The following COL12A1 variants were observed in gnomAD, a reference collection of about 807,000 sequenced individuals.
COL12A1 encodes collagen type XII alpha 1 chain.
In COL12A1, 114 loss-of-function variants were observed where a neutral mutation model predicts 349.7. That is an observed-to-expected ratio of 0.33 (90% CI 0.28 to 0.38). COL12A1 has a LOEUF of 0.38. COL12A1 is among the 10% of genes least tolerant of loss of function. The pLI, the probability that COL12A1 is intolerant of heterozygous loss-of-function variation, is 1.00. For synonymous variants in COL12A1, 1,369 were observed against 1,329.0 expected, an observed-to-expected ratio of 1.03 and a Z score of -0.66; for missense variants, 3,284 against 3,756.9, an observed-to-expected ratio of 0.87 and a Z score of 3.29.
rs1767700785 is a variant in COL12A1 at position 75,090,379 on chromosome 6, T to C, written c.8753-81A>G. On this transcript the variant is annotated intron_variant, in intron 62 of 65. Coordinates refer to ENST00000322507, the MANE Select transcript of COL12A1 (RefSeq NM_004370.6). The surrounding 1 kb of genome is among the most constrained non-coding windows in gnomAD (Gnocchi z 4.1). ...AGTGAAACTGTTTTCTCTTAGTGTC[T>C]AGTGAAATCCATCTCCATTCTGCAA... is the stretch of plus-strand genomic sequence containing the variant. 8 of 1,347,206 alleles carry C rather than the reference T, an allele frequency of 5.9e-6. No homozygotes were observed. The highest frequency in any genetic ancestry group is 8.1e-6 in the Non-Finnish European group (8 of 982,750). 83.5% of individuals were successfully genotyped at this position (1,347,206 alleles called of 1,614,324 possible).
chr6:75,172,877 C>G (rs570036216), intron 13 of COL12A1, among the ~76,000 whole-genome samples: 1 of 152,314 alleles, frequency 6.6e-6, no homozygotes, highest in South Asian at 2.1e-4. Flanking sequence ...GATGCGAAAG[C>G]CACCTATATC....
rs1767649707 is a variant in COL12A1, at chr6:75,154,408, T to C, written c.3565+8A>G. 1.2e-6 allele frequency: 2 copies of C among 1,608,928 alleles called. No individual in the cohort carries two copies. The highest frequency in any genetic ancestry group is 1.7e-6 in the Non-Finnish European group (2 of 1,176,870). Reference sequence around the variant, plus strand: ...GTTTTCCTCAAGGAATGTAACTCAATTTCTTACCAGAAGATAAAATTGGCA... The same window carrying C: ...GTTTTCCTCAAGGAATGTAACTCAACTTCTTACCAGAAGATAAAATTGGCA... On this transcript the variant is annotated splice_region_variant and intron_variant, in intron 17 of 65. Transcript: ENST00000322507.
Position 75,175,328 on chromosome 6 carries a change from A to G in COL12A1, c.2438-18T>C. On this transcript the variant is annotated intron_variant, in intron 12 of 65. Transcript: ENST00000322507. ...CCCTCTAACTTCATTAAAAAATGAC[A>G]ACATCATCAAAACCCATTATTTAAA... The G allele has an allele frequency of 3.1e-6, 5 of 1,603,676 alleles. No homozygotes were observed. The highest frequency in any genetic ancestry group is 2.6e-6 in the Non-Finnish European group (3 of 1,175,690).
intron 23 of COL12A1, among the ~76,000 whole-genome samples, chr6:75,146,882 A>T (rs1187597063): frequency 6.6e-6 from 1 of 152,234 alleles, no homozygotes; most frequent in Non-Finnish European, 1.5e-5. Flanking sequence ...ATATAAAGGG[A>T]TATAAGAGAA....
intron 29 of COL12A1, 34 bp from the exon 30 acceptor site, chr6:75,138,374 A>G: frequency 6.2e-7 from 1 of 1,610,314 alleles, no homozygotes; most frequent in Admixed American, 1.7e-5. Flanking sequence ...ACACATTACT[A>G]ATATAGCTGT....
Position 75,084,970 on chromosome 6 carries a change from T to C in COL12A1, c.*1577A>G. The C allele has an allele frequency of 3.5e-6, 1 of 284,240 alleles. No individual in the cohort carries two copies. Among genetic ancestry groups the C allele is most frequent in the South Asian group, 3.4e-5 (1 of 29,280 alleles). 17.6% of individuals were successfully genotyped at this position (284,240 alleles called of 1,614,324 possible). A position where few individuals can be genotyped will look rare whatever the true frequency, so the allele number is the denominator to read the frequency against. ...TTGCAGCTTTTGTTAACAAAGTATT[T>C]TGCAAGCATTTCAAGGGCAAAGGCA... On this transcript the variant is annotated 3_prime_UTR_variant, in exon 66 of 66. Coordinates refer to ENST00000322507, the MANE Select transcript of COL12A1 (RefSeq NM_004370.6).
rs1358166532 is a variant in COL12A1, at chr6:75,125,214, G to T, written c.6520C>A (p.Leu2174Ile). 2.5e-6 allele frequency: 4 copies of T among 1,612,348 alleles called. No homozygotes were observed. In the South Asian group the frequency reaches 4.4e-5, roughly 18 times the overall value. The stretch of plus-strand genomic sequence containing the variant: ...ACATCGTAGGTGGTGCTGGGATTGA[G>T]ATTGTGTAAGGTATATGATGTCATT... ...GEMTSYTLHN[L>I]NPSTTYDVNV... The change falls in exon 40 of 66, where the codon CTC (leucine) becomes ATC (isoleucine). Residue 2174 changes from leucine (L) to isoleucine (I), a missense_variant. Physicochemically the swap from Leu to Ile is conservative, Grantham distance 5. Around this residue, in one of 2 missense-constraint regions of COL12A1, gnomAD observed 2,601 missense variants for 2,824.8 expected, o/e 0.92. Transcript: ENST00000322507.
Position 75,152,193 on chromosome 6 carries a change from T to C in COL12A1, c.3773A>G (p.Asp1258Gly). The C allele has an allele frequency of 6.2e-7, 1 of 1,613,808 alleles. No individual in the cohort carries two copies. Among genetic ancestry groups the C allele is most frequent in the Non-Finnish European group, 8.5e-7 (1 of 1,179,816 alleles). Residue 1258 changes from aspartate (D) to glycine (G), a missense_variant, in exon 19 of 66, where the codon GAC (aspartate) becomes GGC (glycine). Physicochemically the swap from Asp to Gly is moderately conservative, Grantham distance 94 (BLOSUM62 -1). Around this residue, in one of 2 missense-constraint regions of COL12A1, gnomAD observed 2,601 missense variants for 2,824.8 expected, o/e 0.92. Coordinates refer to ENST00000322507, the MANE Select transcript of COL12A1 (RefSeq NM_004370.6). ...CACAGCTTGCAACAAGCTCTTCTTG[T>C]CTCTGTGTGCATTTAACTGCCACTC... ...RTEWQLNAHR[D>G]KKSLLQAVAN...
rs1768487792 is a variant in COL12A1, at chr6:75,105,189, T to G, written c.8265+17A>C. The stretch of plus-strand genomic sequence containing the variant: ...ATTTCAAAGGAAAAACCAGAGGATC[T>G]ATTTCAATTTCCTTACTGCAGGGCC... On this transcript the variant is annotated intron_variant, in intron 54 of 65. Coordinates refer to ENST00000322507, the MANE Select transcript of COL12A1 (RefSeq NM_004370.6). 6 of 1,599,674 alleles carry G rather than the reference T, an allele frequency of 3.8e-6. No homozygotes were observed. The East Asian group carries it at 1.3e-4, about 36-fold the overall frequency.
chr6:75,204,989 C>T (rs1310337252), intron 1 of COL12A1, among the ~76,000 whole-genome samples: 6 of 151,994 alleles, frequency 3.9e-5, no homozygotes, highest in African/African-American at 1.4e-4. Flanking sequence ...TGAAGGGCTC[C>T]CGAGGTCGCC....
chr6:75,151,075 A>AG, intron 21 of COL12A1, 66 bp downstream of exon 21: 3 of 284,114 alleles, frequency 1.1e-5, no homozygotes, highest in Non-Finnish European at 2.1e-5. Context: ...CCCCCACCCA[A>AG]AAGAATAATT....
intron 8 of COL12A1, among the ~76,000 whole-genome samples, chr6:75,187,879 C>A (rs1464021343): frequency 1.3e-5 from 2 of 152,108 alleles, no homozygotes. Context: ...ATCACATTGA[C>A]TGATCTTTGA....
chr6:75,126,543 T>A (rs545459657), intron 38 of COL12A1, 73 bp from the exon 39 acceptor site: 2 of 1,500,332 alleles, frequency 1.3e-6, no homozygotes, highest in African/African-American at 1.4e-5. Context: ...TTTAAAAGTA[T>A]CGGTAGGAAA....
intron 58 of COL12A1, among the ~76,000 whole-genome samples, chr6:75,101,316 CA>C (rs1389016024): frequency 6.6e-6 from 1 of 152,134 alleles, no homozygotes; most frequent in Non-Finnish European, 1.5e-5. Context: ...TCTTTTTAAT[CA>C]GCTAAAATTC....
At chr6:75,150,349 A>G (rs963831621) in intron 21 of COL12A1, among the ~76,000 whole-genome samples, 12 of 152,170 alleles carry the variant, frequency 7.9e-5, no homozygotes, top group African/African-American at 2.9e-4. Flanking sequence ...ATTTTATTTC[A>G]ATATCCTAAT....
Position 75,113,243 on chromosome 6 carries a change from T to C in COL12A1, c.7911A>G (p.Thr2637=). ...RGEVQTVTFD[T]EEVKTLFYGS... ...CATAAAATAATGTCTTTACTTCTTC[T>C]GTGTCAAATGTAACAGTTTGCACCT... The change falls in exon 51 of 66, where the codon ACA becomes ACG. Residue 2637 remains threonine, a synonymous_variant. Transcript: ENST00000322507. 1.9e-6 allele frequency: 3 copies of C among 1,566,072 alleles called. No homozygotes were observed. The highest frequency in any genetic ancestry group is 1.2e-5 in the South Asian group (1 of 81,744).
At chr6:75,152,508 C>T in intron 17 of COL12A1, 26 bp from the exon 18 acceptor site, 1 of 1,612,078 alleles carries the variant, frequency 6.2e-7, no homozygotes, top group Non-Finnish European at 8.5e-7. Flanking sequence ...TGAGACAAGA[C>T]AGTAAGAAGC....
intron 13 of COL12A1, among the ~76,000 whole-genome samples, chr6:75,171,658 A>T (rs746934411): frequency 6.6e-6 from 1 of 152,218 alleles, no homozygotes; most frequent in Non-Finnish European, 1.5e-5. Context: ...AAAACAAATT[A>T]GAAAAACAGC....
intron 12 of COL12A1, among the ~76,000 whole-genome samples, chr6:75,177,426 G>T (rs757739968): frequency 1.3e-5 from 2 of 151,864 alleles, no homozygotes; most frequent in Non-Finnish European, 2.9e-5. Context: ...GAGAGACTCT[G>T]TCTGAAAAAA....
Sources: gnomAD v4.1 joint callset for allele counts (sites outside exome capture counted in the v4.1 genomes callset) on GRCh38, gnomAD v4.1.1 for gene constraint, gnomAD v4.1.1 regional missense constraint, Gnocchi (gnomAD v3.1) non-coding constraint, MANE v1.5 for transcripts, NCBI Gene and HGNC (gene_info 2026-07-23, HGNC 2026-07-21) for gene names.